GALNTL6: variants seen among roughly 807,000 people sequenced by gnomAD.
GALNTL6 encodes polypeptide N-acetylgalactosaminyltransferase-like 6.
GALNTL6 carries 46 observed loss-of-function variants against 73.7 expected under a neutral mutation model. That is an observed-to-expected ratio of 0.62 (90% CI 0.49 to 0.80). GALNTL6 has a LOEUF of 0.80. Among genes scored for constraint, GALNTL6 ranks in the 30% least tolerant of loss-of-function variants. GALNTL6 has a pLI of 0.00. For synonymous variants in GALNTL6, 259 were observed against 263.7 expected, an observed-to-expected ratio of 0.98 and a Z score of 0.17; for missense variants, 604 against 755.0, an observed-to-expected ratio of 0.80 and a Z score of 2.34.
At chr4:172,338,304 T>C (rs533116921) in intron 4 of GALNTL6, among the ~76,000 whole-genome samples, 7 of 152,324 alleles carry the variant, frequency 4.6e-5, no homozygotes, top group African/African-American at 1.7e-4. Flanking sequence ...GTGAGCGTGA[T>C]CCTTTCATGC....
At chr4:172,431,263 A>G (rs1185293666) in intron 5 of GALNTL6, among the ~76,000 whole-genome samples, 1 of 152,158 alleles carries the variant, frequency 6.6e-6, no homozygotes, top group Admixed American at 6.6e-5. Flanking sequence ...ATTACTTACG[A>G]TGCATTCCAA....
intron 12 of GALNTL6, among the ~76,000 whole-genome samples, chr4:173,023,859 G>T (rs1753117128): frequency 6.6e-6 from 1 of 152,054 alleles, no homozygotes; most frequent in East Asian, 1.9e-4. Context: ...ACATGATACA[G>T]CCTGTGTGTG....
intron 9 of GALNTL6, among the ~76,000 whole-genome samples, chr4:172,946,357 G>T (rs532020398): frequency 2.2e-4 from 34 of 151,998 alleles, no homozygotes; most frequent in Admixed American, 2.0e-3. Context: ...AACTGAACAG[G>T]GATTGAATAG....
At chr4:172,498,902 G>T (rs2110769974) in intron 5 of GALNTL6, among the ~76,000 whole-genome samples, 1 of 152,190 alleles carries the variant, frequency 6.6e-6, no homozygotes, top group Non-Finnish European at 1.5e-5. Context: ...TTATAGTTAT[G>T]GCTGCCTTCT....
intron 5 of GALNTL6, among the ~76,000 whole-genome samples, chr4:172,593,101 A>G (rs2111004659): frequency 6.6e-6 from 1 of 152,304 alleles, no homozygotes; most frequent in South Asian, 2.1e-4. Flanking sequence ...TATATTCTAA[A>G]AAACAGAGTA....
chr4:172,145,297 G>A (rs181818697), intron 2 of GALNTL6, among the ~76,000 whole-genome samples: 114 of 152,108 alleles, frequency 7.5e-4, no homozygotes, highest in Middle Eastern at 3.4e-3. Context: ...CCGCCACTAC[G>A]CCCAGCTAAT....
intron 2 of GALNTL6, among the ~76,000 whole-genome samples, chr4:172,096,416 GT>G (rs1396837726): frequency 6.6e-6 from 1 of 151,970 alleles, no homozygotes; most frequent in African/African-American, 2.4e-5. Flanking sequence ...TTTTTGATGA[GT>G]GCATATTCTG....
intron 5 of GALNTL6, among the ~76,000 whole-genome samples, chr4:172,613,648 T>G (rs1184614075): frequency 6.6e-6 from 1 of 152,146 alleles, no homozygotes; most frequent in Non-Finnish European, 1.5e-5. Context: ...TTGGAATTTA[T>G]AAATATTATG....
intron 5 of GALNTL6, among the ~76,000 whole-genome samples, chr4:172,694,686 A>G (rs1733573784): frequency 6.6e-6 from 1 of 152,232 alleles, no homozygotes; most frequent in Admixed American, 6.5e-5. Context: ...CAGCGTGAGG[A>G]AAGTAGGGTT....
intron 5 of GALNTL6, among the ~76,000 whole-genome samples, chr4:172,696,810 T>C (rs1733724687): frequency 6.6e-6 from 1 of 152,124 alleles, no homozygotes; most frequent in Non-Finnish European, 1.5e-5. Context: ...AATACACAGA[T>C]TAAGAGAAAA....
intron 5 of GALNTL6, among the ~76,000 whole-genome samples, chr4:172,671,368 C>G (rs1731973340): frequency 6.6e-6 from 1 of 152,082 alleles, no homozygotes; most frequent in South Asian, 2.1e-4. Flanking sequence ...TGTTTCACCT[C>G]CCTAGTTAGC....
At chr4:171,937,093 G>A (rs1738373063) in intron 2 of GALNTL6, among the ~76,000 whole-genome samples, 1 of 152,104 alleles carries the variant, frequency 6.6e-6, no homozygotes, top group South Asian at 2.1e-4. Flanking sequence ...CTGGGTGGAT[G>A]AATTCTCCTT....
intron 5 of GALNTL6, among the ~76,000 whole-genome samples, chr4:172,427,553 T>A (rs1002970304): frequency 6.6e-6 from 1 of 152,178 alleles, no homozygotes; most frequent in African/African-American, 2.4e-5. Flanking sequence ...CAGATGTTTA[T>A]GTGTCAGACA....
rs191550099 is a variant in GALNTL6 at position 172,605,084 on chromosome 4, G to A, written c.554-204277G>A. The stretch of plus-strand genomic sequence containing the variant: ...AAATAGAAGATACCACGGACGAATT[G>A]GAGAAAATTGGCTAAAAGCATTTTA... On this transcript the variant is annotated intron_variant, in intron 5 of 12. Transcript: ENST00000506823. Among the ~76,000 whole-genome samples, 263 of 152,274 alleles carry A rather than the reference G, an allele frequency of 1.7e-3. 2 individuals carry two copies. Among genetic ancestry groups the A allele is most frequent in the Non-Finnish European group, 1.3e-3 (89 of 68,022 alleles).
chr4:172,872,932 A>G (rs192436982), intron 7 of GALNTL6, among the ~76,000 whole-genome samples: 32 of 152,268 alleles, frequency 2.1e-4, no homozygotes, highest in African/African-American at 7.5e-4. Context: ...TCTGTCCTGG[A>G]CTGCCATTAC....
chr4:172,911,795 T>C (rs149573716), intron 8 of GALNTL6, among the ~76,000 whole-genome samples: 50 of 152,378 alleles, frequency 3.3e-4, no homozygotes, highest in African/African-American at 1.1e-3. Context: ...GGGGCAATTA[T>C]GAATTCCTTC....
chr4:172,355,350 A>T (rs1742113263), intron 5 of GALNTL6, among the ~76,000 whole-genome samples: 1 of 152,128 alleles, frequency 6.6e-6, no homozygotes, highest in Non-Finnish European at 1.5e-5. Flanking sequence ...GTTCTAATGT[A>T]CGTTGTTTGA....
chr4:172,753,281 G>A (rs1259719229), intron 5 of GALNTL6, among the ~76,000 whole-genome samples: 1 of 152,146 alleles, frequency 6.6e-6, no homozygotes, highest in African/African-American at 2.4e-5. Context: ...CCCCACCTCA[G>A]CCATGTGGAA....
chr4:171,978,863 T>TAGAA (rs1739800311), intron 2 of GALNTL6, among the ~76,000 whole-genome samples: 1 of 151,972 alleles, frequency 6.6e-6, no homozygotes, highest in African/African-American at 2.4e-5. Flanking sequence ...TTTAGATAGA[T>TAGAA]GATAGATTTG....
Sources: gnomAD v4.1 joint callset for allele counts (sites outside exome capture counted in the v4.1 genomes callset) on GRCh38, gnomAD v4.1.1 for gene constraint, MANE v1.5 for transcripts, NCBI Gene and HGNC (gene_info 2026-07-23, HGNC 2026-07-21) for gene names.